NBPF15: variants seen among roughly 807,000 people sequenced by gnomAD.
The protein encoded by NBPF15 is NBPF family member NBPF15.
In NBPF15, 74 loss-of-function variants were observed where a neutral mutation model predicts 62.2. The ratio of observed to expected loss-of-function variants is 1.19; its 90% confidence interval spans 0.99 to 1.44. The LOEUF (loss-of-function observed/expected upper bound fraction) is 1.44. Ranked by LOEUF, NBPF15 falls within the 40% of genes most tolerant of loss-of-function variation. The pLI, the probability that NBPF15 is intolerant of heterozygous loss-of-function variation, is 0.00. For synonymous variants in NBPF15, 244 were observed against 209.7 expected (o/e 1.16, Z -1.41); for missense variants, 790 against 550.0 (o/e 1.44, Z -4.36).
At position 144,422,910 on chromosome 1, in the gene NBPF15, C is replaced by G. The variant is rs1297960571; in HGVS notation, c.*103G>C. 3.1e-6 allele frequency: 5 copies of G among 1,609,862 alleles called. No homozygotes were observed. The highest frequency in any genetic ancestry group is 4.2e-6 in the Non-Finnish European group (5 of 1,178,830). On this transcript the variant is annotated 3_prime_UTR_variant, in exon 22 of 22. Coordinates refer to ENST00000581897, the MANE Select transcript of NBPF15 (RefSeq NM_001385408.1). ...AATAGAGCCATGCTCACTGACCCATCCTATGTCTGGGCTTCCAAATGGAAC... is the reference window on the plus strand; with the variant it reads ...AATAGAGCCATGCTCACTGACCCATGCTATGTCTGGGCTTCCAAATGGAAC...
chr1:144,430,907 G>C (rs1553540110), intron 13 of NBPF15, among the ~76,000 whole-genome samples: 1 of 151,908 alleles, frequency 6.6e-6, no homozygotes, highest in South Asian at 2.1e-4. Flanking sequence ...GAAAACCATG[G>C]CACGAGAACT....
chr1:144,453,286 C>CA (rs1189649688), intron 4 of NBPF15, among the ~76,000 whole-genome samples: 10 of 150,898 alleles, frequency 6.6e-5, no homozygotes, highest in East Asian at 1.9e-4. Flanking sequence ...CAACCACATG[C>CA]AAAAAAATAA....
chr1:144,432,700 AAG>A (rs1350427180), intron 13 of NBPF15, among the ~76,000 whole-genome samples: 63 of 152,166 alleles, frequency 4.1e-4, no homozygotes, highest in African/African-American at 1.5e-3. Flanking sequence ...CAAAGATCAA[AAG>A]AGACAAAGAA....
intron 4 of NBPF15, among the ~76,000 whole-genome samples, chr1:144,451,429 C>G (rs1355649494): frequency 6.6e-6 from 1 of 151,144 alleles, no homozygotes; most frequent in Non-Finnish European, 1.5e-5. Context: ...TACTAATCCT[C>G]CTCAGCACAG....
intron 6 of NBPF15, among the ~76,000 whole-genome samples, chr1:144,446,311 T>A (rs1687497602): frequency 6.8e-6 from 1 of 147,620 alleles, no homozygotes; most frequent in Non-Finnish European, 1.5e-5. Flanking sequence ...AACTCACTGA[T>A]TAGTTCTGGT....
At chr1:144,437,832 C>T (rs1219478077) in intron 9 of NBPF15, 113 bp downstream of exon 9, 40 of 1,452,562 alleles carry the variant, frequency 2.8e-5, no homozygotes, top group African/African-American at 2.7e-4. Flanking sequence ...CCTGCCATGG[C>T]AATTCCTGCC....
Position 144,428,468 on chromosome 1 carries a change from C to A in NBPF15, c.1040+138G>T, listed in dbSNP as rs1281548489. Reference sequence around the variant, plus strand: ...CCTAAACATTTACTCTAATGAGAACCAAAAAGCAATGTAGTAGGCATAATT... The same window carrying A: ...CCTAAACATTTACTCTAATGAGAACAAAAAAGCAATGTAGTAGGCATAATT... On this transcript the variant is annotated intron_variant, in intron 15 of 21. Coordinates refer to ENST00000581897, the MANE Select transcript of NBPF15 (RefSeq NM_001385408.1). 7 of 892,700 alleles carry A rather than the reference C, an allele frequency of 7.8e-6. No homozygotes were observed. The East Asian group carries it at 1.7e-4, about 21-fold the overall frequency. 55.3% of individuals were successfully genotyped at this position (892,700 alleles called of 1,614,324 possible).
chr1:144,459,069 T>C (rs1553547737), intron 3 of NBPF15, among the ~76,000 whole-genome samples: 1 of 149,514 alleles, frequency 6.7e-6, no homozygotes, highest in African/African-American at 2.5e-5. Context: ...AAAACTAAAA[T>C]AAAATTGCTA....
rs1238008018 is a variant in NBPF15, at chr1:144,427,687, C to T, written c.1213+131G>A. 5 of 625,906 alleles carry T rather than the reference C, an allele frequency of 8.0e-6. No individual in the cohort carries two copies. The South Asian group carries it at 9.8e-5, about 12-fold the overall frequency. The allele number at this position is 625,906 out of a possible 1,614,324, so 38.8% of individuals were successfully genotyped here. ...CAAGTGGAACTAGAGTTTCATTCAACCTACATGTGCCTATAGGTCCTCCCT... is the reference window on the plus strand; with the variant it reads ...CAAGTGGAACTAGAGTTTCATTCAATCTACATGTGCCTATAGGTCCTCCCT... On this transcript the variant is annotated intron_variant, in intron 16 of 21. Coordinates refer to ENST00000581897, the MANE Select transcript of NBPF15 (RefSeq NM_001385408.1).
intron 1 of NBPF15, among the ~76,000 whole-genome samples, 180 bp downstream of exon 1, chr1:144,461,201 C>A (rs1424674958): frequency 6.6e-6 from 1 of 152,046 alleles, no homozygotes; most frequent in Non-Finnish European, 1.5e-5. Context: ...CCCCAGCGCC[C>A]AAGGAGGGCT....
chr1:144,430,883 G>C (rs1274385944), intron 13 of NBPF15, among the ~76,000 whole-genome samples: 1 of 152,026 alleles, frequency 6.6e-6, no homozygotes, highest in Non-Finnish European at 1.5e-5. Flanking sequence ...GACCTTAAAT[G>C]ACCTGATGGA....
intron 6 of NBPF15, among the ~76,000 whole-genome samples, chr1:144,446,105 G>T (rs1277674664): frequency 1.3e-5 from 2 of 151,098 alleles, no homozygotes; most frequent in African/African-American, 4.9e-5. Context: ...TGCCCACCTC[G>T]GCCTCCCAAA....
At chr1:144,435,054 G>C in intron 12 of NBPF15, 57 bp downstream of exon 12, 1 of 1,611,368 alleles carries the variant, frequency 6.2e-7, no homozygotes, top group Non-Finnish European at 8.5e-7. Context: ...CCTGTCTTCA[G>C]AGTTTATCTT....
Position 144,456,567 on chromosome 1 carries a change from C to G in NBPF15, c.-462G>C. The G allele has an allele frequency of 2.7e-6, 4 of 1,499,400 alleles. No homozygotes were observed. The South Asian group carries it at 3.8e-5, about 14-fold the overall frequency. The allele number at this position is 1,499,400 out of a possible 1,614,324, so 92.9% of individuals were successfully genotyped here. Reference sequence around the variant, plus strand: ...GGATCTGGCAGCTCTTCATTCAGCCCACACCGTGTGAGGTTGCTCTTGGTG... The same window carrying G: ...GGATCTGGCAGCTCTTCATTCAGCCGACACCGTGTGAGGTTGCTCTTGGTG... On this transcript the variant is annotated 5_prime_UTR_variant, in exon 4 of 22. Transcript: ENST00000581897.
chr1:144,433,371 C>T (rs1300140814), intron 13 of NBPF15, among the ~76,000 whole-genome samples: 2 of 151,856 alleles, frequency 1.3e-5, no homozygotes, highest in Non-Finnish European at 2.9e-5. Flanking sequence ...AATTGACATC[C>T]TAACATCACA....
At chr1:144,439,683 T>C (rs1681387662) in intron 8 of NBPF15, 146 bp downstream of exon 8, 1 of 676,254 alleles carries the variant, frequency 1.5e-6, no homozygotes, top group East Asian at 2.7e-5. Context: ...TCTTCCAACT[T>C]TAACAAAATG....
intron 6 of NBPF15, among the ~76,000 whole-genome samples, chr1:144,442,202 TATTATTAA>T: frequency 9.4e-6 from 1 of 106,702 alleles, no homozygotes; most frequent in African/African-American, 4.4e-5. Flanking sequence ...CGTGTATATA[TATTATTAA>T]TATATATAAT....
intron 4 of NBPF15, among the ~76,000 whole-genome samples, chr1:144,455,229 G>T (rs587594692): frequency 1.4e-5 from 2 of 145,706 alleles, no homozygotes; most frequent in South Asian, 4.4e-4. Context: ...GGGAGGGAAA[G>T]AATAAAGAGA....
At chr1:144,442,162 GTATA>G (rs368550343) in intron 6 of NBPF15, among the ~76,000 whole-genome samples, 5,984 of 31,514 alleles carry the variant, frequency 0.19, 873 homozygotes, top group Middle Eastern at 0.3. Flanking sequence ...ATATACACGT[GTATA>G]TATATATATA....
Sources: gnomAD v4.1 joint callset for allele counts (sites outside exome capture counted in the v4.1 genomes callset) on GRCh38, gnomAD v4.1.1 for gene constraint, MANE v1.5 for transcripts, NCBI Gene and HGNC (gene_info 2026-07-23, HGNC 2026-07-21) for gene names.